Variants in KCTD1 observed in about 807,000 individuals in gnomAD.
The protein encoded by KCTD1 is potassium channel tetramerization domain containing 1, also known as BTB/POZ domain-containing protein KCTD1.
In KCTD1, 24 loss-of-function variants were observed where a neutral mutation model predicts 66.0. The ratio of observed to expected loss-of-function variants is 0.36; its 90% CI spans 0.26 to 0.51. The LOEUF is 0.51. Among genes scored for constraint, KCTD1 ranks in the 20% least tolerant of loss-of-function variants. KCTD1 has a pLI of 0.95. For missense variants in KCTD1, 943 were observed against 1,205.2 expected, an observed-to-expected ratio of 0.78 and a Z score of 3.22; for synonymous variants, 511 against 517.2, an observed-to-expected ratio of 0.99 and a Z score of 0.16.
At chr18:26,605,613 T>TTA (rs1231810720) in intron 1 of KCTD1, among the ~76,000 whole-genome samples, 2 of 152,192 alleles carry the variant, frequency 1.3e-5, no homozygotes, top group African/African-American at 4.8e-5. Context: ...TAGACCACTG[T>TTA]TATAGCTGTA....
At chr18:26,498,799 A>G (rs1296650065) in intron 2 of KCTD1, among the ~76,000 whole-genome samples, 1 of 152,184 alleles carries the variant, frequency 6.6e-6, no homozygotes, top group Non-Finnish European at 1.5e-5. Context: ...ACTCTTAGAA[A>G]TATCCATGGA....
chr18:26,578,057 C>CT (rs11381611), intron 1 of KCTD1, among the ~76,000 whole-genome samples: 30,167 of 116,986 alleles, frequency 0.26, 4,426 homozygotes, highest in Middle Eastern at 0.35. Flanking sequence ...TCTTTTCTTT[C>CT]TTTTTTTTTT....
chr18:26,655,231 G>T (rs1385561026), intron 1 of KCTD1, among the ~76,000 whole-genome samples: 1 of 152,138 alleles, frequency 6.6e-6, no homozygotes, highest in African/African-American at 2.4e-5. Flanking sequence ...AAAACAGGAG[G>T]TCTCTTAAGG....
chr18:26,652,356 T>C (rs920105694), intron 1 of KCTD1, among the ~76,000 whole-genome samples: 1 of 152,214 alleles, frequency 6.6e-6, no homozygotes, highest in Non-Finnish European at 1.5e-5. Flanking sequence ...AAGTAGCTTA[T>C]GGAATTGCAT....
intron 1 of KCTD1, among the ~76,000 whole-genome samples, chr18:26,526,848 C>T (rs992296422): frequency 9.9e-5 from 15 of 150,906 alleles, no homozygotes; most frequent in African/African-American, 2.7e-4. Context: ...ATTTTCAGTC[C>T]CATTTATCTT....
upstream of KCTD1, among the ~76,000 whole-genome samples, chr18:26,643,910 T>C (rs571235405): frequency 4.0e-5 from 6 of 151,684 alleles, no homozygotes; most frequent in Non-Finnish European, 7.4e-5. Flanking sequence ...TGCAGTGAGC[T>C]GAGATAGCAC....
At position 26,548,474 on chromosome 18, in the gene KCTD1, G is replaced by C; in HGVS notation, c.63C>G (p.Ala21=). 2 of 1,254,756 alleles carry C rather than the reference G, an allele frequency of 1.6e-6. No individual in the cohort carries two copies. Among genetic ancestry groups the C allele is most frequent in the Non-Finnish European group, 2.0e-6 (2 of 1,007,394 alleles). 77.7% of individuals were successfully genotyped at this position (1,254,756 alleles called of 1,614,324 possible). ...NTSAGGSASA[A]AAAAENNGER... ...CCCCATTGTTCTCGGCGGCGGCGGC[G>C]GCAGCGCTGGCGCTGCCGCCCGCGC... is the stretch of plus-strand genomic sequence containing the variant. The change falls in exon 1 of 5, where the codon GCC becomes GCG. Residue 21 remains alanine, a synonymous_variant. Transcript: ENST00000580059.
chr18:26,525,555 A>G (rs1031583000), intron 1 of KCTD1, among the ~76,000 whole-genome samples: 1 of 152,218 alleles, frequency 6.6e-6, no homozygotes, highest in Non-Finnish European at 1.5e-5. Flanking sequence ...CCCTCTGCCC[A>G]GGATGCTCTC....
At chr18:26,653,389 C>G (rs1988072016) in intron 1 of KCTD1, among the ~76,000 whole-genome samples, 1 of 152,196 alleles carries the variant, frequency 6.6e-6, no homozygotes, top group Admixed American at 6.5e-5. Flanking sequence ...CCCCTTCATC[C>G]TTTAGATCTC....
At chr18:26,647,915 C>T (rs181455748) in intron 1 of KCTD1, among the ~76,000 whole-genome samples, 2 of 152,236 alleles carry the variant, frequency 1.3e-5, no homozygotes, top group Non-Finnish European at 2.9e-5. Context: ...TCTCGGCTCA[C>T]TGCAACCTCT....
chr18:26,629,724 C>CT (rs11379360), upstream of KCTD1, among the ~76,000 whole-genome samples: 52,087 of 144,870 alleles, frequency 0.36, 10,381 homozygotes, highest in African/African-American at 0.51. Context: ...ACCCCCCCGC[C>CT]TTTTTTTTTT....
rs118034270 is a variant in KCTD1 at position 26,462,412 on chromosome 18, A to G, written c.2134-2487T>C. ...ACTCTCTCTTGATCATCCTGGCTCC[A>G]TTTTTTCCTTTACTATGCTGTTCTA... is the stretch of plus-strand genomic sequence containing the variant. On this transcript the variant is annotated intron_variant, in intron 3 of 4. Transcript: ENST00000580059. Among the ~76,000 whole-genome samples, 27 of 152,086 alleles carry G rather than the reference A, an allele frequency of 1.8e-4. 1 individual carries two copies. Among genetic ancestry groups the G allele is most frequent in the Middle Eastern group, 3.4e-3 (1 of 294 alleles).
chr18:26,537,899 A>T (rs1355085193), intron 1 of KCTD1, among the ~76,000 whole-genome samples: 1 of 152,228 alleles, frequency 6.6e-6, no homozygotes, highest in East Asian at 1.9e-4. Context: ...TAGCCTGGGC[A>T]GCAATTATGC....
intron 1 of KCTD1, among the ~76,000 whole-genome samples, chr18:26,530,823 C>A (rs754916063): frequency 1.5e-4 from 23 of 152,140 alleles, no homozygotes; most frequent in African/African-American, 5.3e-4. Context: ...ATTGGAAGAG[C>A]TTTTTATTTC....
chr18:26,515,611 T>C (rs1017079793), intron 1 of KCTD1, among the ~76,000 whole-genome samples: 2 of 151,102 alleles, frequency 1.3e-5, no homozygotes, highest in Admixed American at 1.3e-4. Context: ...ATTCAAGCGA[T>C]TTTCCTGCCT....
upstream of KCTD1, chr18:26,549,285 G>A: frequency 3.0e-6 from 3 of 985,654 alleles, no homozygotes; most frequent in Non-Finnish European, 3.6e-6. Flanking sequence ...CAGCCGCGCG[G>A]CTCCCAACTC....
At chr18:26,497,545 GTTC>G (rs1010108717) in intron 2 of KCTD1, among the ~76,000 whole-genome samples, 2 of 152,176 alleles carry the variant, frequency 1.3e-5, no homozygotes, top group African/African-American at 4.8e-5. Context: ...TGAAGAACTA[GTTC>G]TTCTCTGTTT....
intron 3 of KCTD1, among the ~76,000 whole-genome samples, chr18:26,474,163 T>A (rs75461825): frequency 0.053 from 8,110 of 152,306 alleles, 735 homozygotes; most frequent in East Asian, 0.4. Context: ...TGGAATTACA[T>A]GATTTTCCCC....
rs12956508 is a variant in KCTD1, at chr18:26,455,981, A to G, written c.2440-80T>C. 0.053 allele frequency: 72,472 copies of G among 1,377,624 alleles called. 2,047 individuals carry two copies. The highest frequency in any genetic ancestry group is 0.076 in the African/African-American group (5,312 of 69,498). The allele number at this position is 1,377,624 out of a possible 1,614,324, so 85.3% of individuals were successfully genotyped here. Reference sequence around the variant, plus strand: ...CATAAACACCCCAAAGTTTGAGATTATGCGCACTCTGGTTCATCTCATCCA... The same window carrying G: ...CATAAACACCCCAAAGTTTGAGATTGTGCGCACTCTGGTTCATCTCATCCA... On this transcript the variant is annotated intron_variant, in intron 4 of 4. Transcript: ENST00000580059.
Sources: allele counts gnomAD v4.1 joint callset (sites outside exome capture counted in the v4.1 genomes callset), GRCh38; gene constraint gnomAD v4.1.1; transcripts MANE v1.5; gene names NCBI Gene and HGNC (gene_info 2026-07-23, HGNC 2026-07-21).